ADGRE5: variants seen among roughly 807,000 people sequenced by gnomAD.
ADGRE5 encodes the protein adhesion G protein-coupled receptor E5, also known as CD97 molecule.
ADGRE5 carries 72 observed loss-of-function variants against 100.3 expected under a neutral mutation model. The observed-to-expected ratio is 0.72, with a 90% confidence interval of 0.59 to 0.87. ADGRE5 has a LOEUF of 0.87. Among genes scored for constraint, ADGRE5 ranks in the 40% least tolerant of loss-of-function variants. ADGRE5 has a pLI of 0.00. For missense variants in ADGRE5, 959 were observed against 1,094.7 expected (o/e 0.88, Z 1.75); for synonymous variants, 439 against 447.8 (o/e 0.98, Z 0.25).
At chr19:14,407,869 G>C (rs1363629830) in intron 18 of ADGRE5, 39 bp from the exon 19 acceptor site, 2 of 1,563,006 alleles carry the variant, frequency 1.3e-6, no homozygotes, top group Admixed American at 1.7e-5. Context: ...CATGGTCCCA[G>C]GGCCTGCTCC....
chr19:14,406,659 G>C lies in ADGRE5; in HGVS notation c.2049-41G>C. On this transcript the variant is annotated intron_variant, in intron 15 of 19. Coordinates refer to ENST00000242786, the MANE Select transcript of ADGRE5 (RefSeq NM_078481.4). The surrounding 1 kb of genome is among the most constrained non-coding windows in gnomAD (Gnocchi z 6.0). Reference sequence around the variant, plus strand: ...CCGGCCGCCCTCCGTTCCGCTCCTGGCTTCCTGGGGCACTGATGGGACCCC... The same window carrying C: ...CCGGCCGCCCTCCGTTCCGCTCCTGCCTTCCTGGGGCACTGATGGGACCCC... The C allele has an allele frequency of 6.2e-7, 1 of 1,611,434 alleles. No individual in the cohort carries two copies. The highest frequency in any genetic ancestry group is 8.5e-7 in the Non-Finnish European group (1 of 1,177,572).
At chr19:14,391,139 A>G in intron 4 of ADGRE5, 60 bp downstream of exon 4, 1 of 1,605,044 alleles carries the variant, frequency 6.2e-7, no homozygotes, top group East Asian at 2.2e-5. Context: ...CACCAGAGCC[A>G]TTCTGGCAGC....
At position 14,406,006 on chromosome 19, in the gene ADGRE5, C is replaced by G; in HGVS notation, c.1821+67C>G. 1 of 1,398,314 alleles carries G rather than the reference C, an allele frequency of 7.2e-7. No homozygotes were observed. Among genetic ancestry groups the G allele is most frequent in the Non-Finnish European group, 9.6e-7 (1 of 1,037,376 alleles). 86.6% of individuals were successfully genotyped at this position (1,398,314 alleles called of 1,614,324 possible). On this transcript the variant is annotated intron_variant, in intron 14 of 19. Transcript: ENST00000242786. This position sits in a 1 kb window ranked among gnomAD's most constrained non-coding sequence, Gnocchi z 6.0. ...GAGGCCTGGGAGGGGTTAGCCCCGC[C>G]CACTCCCGGGGCTCAGTCGGGTAGG...
Position 14,408,243 on chromosome 19 carries a change from T to A in ADGRE5, c.*122T>A, listed in dbSNP as rs73924182. ...TCCACCCTCCCTCCCTGATCCCGTG[T>A]GCCACCAGGAGGGAGTGGCAGCTAT... On this transcript the variant is annotated 3_prime_UTR_variant, in exon 20 of 20. Transcript: ENST00000242786. 4.2e-4 allele frequency: 483 copies of A among 1,154,088 alleles called. 1 individual carries two copies. In the African/African-American group the frequency reaches 6.1e-3, roughly 15 times the overall value. 71.5% of individuals were successfully genotyped at this position (1,154,088 alleles called of 1,614,324 possible). A position where few individuals can be genotyped will look rare whatever the true frequency, so the allele number is the denominator to read the frequency against.
intron 13 of ADGRE5, 180 bp from the exon 14 acceptor site, chr19:14,405,568 A>C: frequency 1.7e-6 from 1 of 571,820 alleles, no homozygotes; most frequent in Non-Finnish European, 3.1e-6. Context: ...CCCAGCAAGC[A>C]CAAAAATGTG....
At chr19:14,382,715 T>A (rs1168213452) in intron 1 of ADGRE5, among the ~76,000 whole-genome samples, 2 of 151,642 alleles carry the variant, frequency 1.3e-5, no homozygotes, top group African/African-American at 4.8e-5. Context: ...ACAAATTTTT[T>A]TTTTTTTTTT....
At position 14,407,083 on chromosome 19, in the gene ADGRE5, G is replaced by C; in HGVS notation, c.2230G>C (p.Ala744Pro). 11 of 1,614,134 alleles carry C rather than the reference G, an allele frequency of 6.8e-6. No homozygotes were observed. The highest frequency in any genetic ancestry group is 9.3e-6 in the Non-Finnish European group (11 of 1,180,030). The part of the protein sequence containing the change: ...KARALTITAI[A>P]QLFLLGCTWV... ...CAGGGCGCTGACCATCACGGCCATC[G>C]CGCAGCTCTTCCTGTTGGGCTGCAC... The change falls in exon 18 of 20, where the codon GCG (alanine) becomes CCG (proline). Residue 744 changes from alanine (A) to proline (P), a missense_variant. Physicochemically the swap from Ala to Pro is conservative, Grantham distance 27. Around this residue, in one of 6 missense-constraint regions of ADGRE5, gnomAD observed 428 missense variants for 386.2 expected, o/e 1.11. Coordinates refer to ENST00000242786, the MANE Select transcript of ADGRE5 (RefSeq NM_078481.4).
Position 14,391,005 on chromosome 19 carries a change from G to A in ADGRE5, c.272G>A (p.Cys91Tyr). The A allele has an allele frequency of 1.2e-6, 2 of 1,614,226 alleles. No individual in the cohort carries two copies. The highest frequency in any genetic ancestry group is 1.7e-6 in the Non-Finnish European group (2 of 1,180,052). ...TGGAACACAGAGGGGAGCTACGACT[G>A]CGTGTGCAGCCCGGGATATGAGCCT... ...DCWNTEGSYD[C>Y]VCSPGYEPVS... The change falls in exon 4 of 20, where the codon TGC (cysteine) becomes TAC (tyrosine). Residue 91 changes from cysteine to tyrosine, a missense_variant. By Grantham distance (194) the Cys-to-Tyr change is radical. Transcript: ENST00000242786.
At chr19:14,387,958 C>A (rs1169124151) in intron 1 of ADGRE5, among the ~76,000 whole-genome samples, 1 of 151,976 alleles carries the variant, frequency 6.6e-6, no homozygotes, top group Non-Finnish European at 1.5e-5. Context: ...CTCCTGTAAT[C>A]CCAGCTACTC....
At chr19:14,404,628 G>T in intron 13 of ADGRE5, 66 bp downstream of exon 13, 1 of 1,496,432 alleles carries the variant, frequency 6.7e-7, no homozygotes, top group Non-Finnish European at 9.1e-7. Context: ...CAGACAGGCA[G>T]CTAGTTCTCC....
At chr19:14,407,370 A>C (rs1976305500) in intron 18 of ADGRE5, 141 bp downstream of exon 18, 1 of 994,816 alleles carries the variant, frequency 1.0e-6, no homozygotes, top group East Asian at 2.5e-5. Flanking sequence ...AAAAATTCAA[A>C]GATAGCCAGG....
In ADGRE5 at chr19:14,408,021, C is replaced by A; in HGVS notation, c.2478+12C>A. On this transcript the variant is annotated intron_variant, in intron 19 of 19. Transcript: ENST00000242786. ...ACAATCAGACCCGGGTAAGGGGCTGCGCCTGGGGCGGGTGTGGGCAGGAAG... is the reference window on the plus strand; with the variant it reads ...ACAATCAGACCCGGGTAAGGGGCTGAGCCTGGGGCGGGTGTGGGCAGGAAG... The A allele has an allele frequency of 2.5e-6, 4 of 1,613,942 alleles. No individual in the cohort carries two copies. The South Asian group carries it at 4.4e-5, about 18-fold the overall frequency.
intron 12 of ADGRE5, among the ~76,000 whole-genome samples, 176 bp downstream of exon 12, chr19:14,403,038 T>A (rs1056609117): frequency 6.6e-6 from 1 of 152,042 alleles, no homozygotes; most frequent in African/African-American, 2.4e-5. Flanking sequence ...TTATTTAATT[T>A]AATTAATTAA....
At position 14,405,916 on chromosome 19, in the gene ADGRE5, G is replaced by A. The variant is rs371695389; in HGVS notation, c.1798G>A (p.Gly600Ser). The A allele has an allele frequency of 5.0e-6, 8 of 1,609,558 alleles. No homozygotes were observed. The highest frequency in any genetic ancestry group is 1.6e-4 in the Middle Eastern group (1 of 6,064). ...CGTGGGCTCCACCATCTTCCTGGCC[G>A]GCATCGAGAACGAAGGCGGCCAGGT... Reference protein sequence around the residue: ...LFVGSTIFLAGIENEGGQVGL... With the variant: ...LFVGSTIFLASIENEGGQVGL... Residue 600 changes from glycine (G) to serine (S), a missense_variant, in exon 14 of 20, where the codon GGC becomes AGC. Coordinates refer to ENST00000242786, the MANE Select transcript of ADGRE5 (RefSeq NM_078481.4).
chr19:14,406,497 C>T lies in ADGRE5; in HGVS notation c.1988C>T (p.Pro663Leu). Residue 663 changes from proline to leucine, a missense_variant, in exon 15 of 20, where the codon CCC becomes CTC. Physicochemically the swap from Pro to Leu is moderately conservative, Grantham distance 98. Coordinates refer to ENST00000242786, the MANE Select transcript of ADGRE5 (RefSeq NM_078481.4). This position sits in a 1 kb window ranked among gnomAD's most constrained non-coding sequence, Gnocchi z 6.0. ...RWLCLIGYGV[P>L]LLIVGVSAAI... ...CTCTGCCTGATCGGCTATGGCGTGC[C>T]CCTGCTCATCGTGGGCGTCTCGGCT... 1.3e-6 allele frequency: 2 copies of T among 1,565,848 alleles called. No homozygotes were observed. The highest frequency in any genetic ancestry group is 1.4e-5 in the African/African-American group (1 of 73,768).
chr19:14,381,900 T>C (rs922806228), intron 1 of ADGRE5, among the ~76,000 whole-genome samples: 5 of 148,908 alleles, frequency 3.4e-5, no homozygotes, highest in Non-Finnish European at 5.9e-5. Flanking sequence ...CTGTGCTTAA[T>C]ATAACGCATA....
intron 5 of ADGRE5, among the ~76,000 whole-genome samples, chr19:14,396,721 G>T (rs974802461): frequency 6.6e-6 from 1 of 152,348 alleles, no homozygotes; most frequent in East Asian, 1.9e-4. Flanking sequence ...CATCTGTCAC[G>T]TGCGAGTGGA....
chr19:14,393,701 G>A (rs1295929973), intron 4 of ADGRE5, among the ~76,000 whole-genome samples: 1 of 152,202 alleles, frequency 6.6e-6, no homozygotes, highest in South Asian at 2.1e-4. Flanking sequence ...GGGATAAAGA[G>A]GGAGGTGGGT....
chr19:14,397,254 A>AGTT (rs745603475), intron 6 of ADGRE5, 31 bp downstream of exon 6: 1 of 1,613,626 alleles, frequency 6.2e-7, no homozygotes, highest in African/African-American at 1.3e-5. Context: ...GTTTCTAGCG[A>AGTT]CCCACAAACA....
Sources: gnomAD v4.1 joint callset for allele counts (sites outside exome capture counted in the v4.1 genomes callset) on GRCh38, gnomAD v4.1.1 for gene constraint, gnomAD v4.1.1 regional missense constraint, Gnocchi (gnomAD v3.1) non-coding constraint, MANE v1.5 for transcripts, NCBI Gene and HGNC (gene_info 2026-07-23, HGNC 2026-07-21) for gene names.